SND1: variants seen among roughly 807,000 people sequenced by gnomAD.
The protein encoded by SND1 is staphylococcal nuclease domain-containing protein 1.
SND1 carries 38 observed loss-of-function variants against 121.7 expected under a neutral mutation model. The observed-to-expected ratio is 0.31, with a 90% CI of 0.24 to 0.41. The LOEUF is 0.41. SND1 is among the 10% of genes least tolerant of loss of function. The pLI, the probability that SND1 is intolerant of heterozygous loss-of-function variation, is 1.00. For missense variants in SND1, 868 were observed against 1,184.6 expected (o/e 0.73, Z 3.92); for synonymous variants, 401 against 447.4 (o/e 0.90, Z 1.31).
At chr7:127,996,140 TA>T (rs34060223) in intron 16 of SND1, among the ~76,000 whole-genome samples, 434 of 142,504 alleles carry the variant, frequency 3.0e-3, no homozygotes, top group Non-Finnish European at 3.2e-3. Context: ...CTCCCTGCTT[TA>T]AAAAAAAAAA....
rs1289566741 is a variant in SND1 at position 127,895,312 on chromosome 7, A to G, written c.1454+7300A>G. Among the ~76,000 whole-genome samples, 7 of 152,158 alleles carry G rather than the reference A, an allele frequency of 4.6e-5. No individual in the cohort carries two copies. The East Asian group carries it at 1.4e-3, about 29-fold the overall frequency. ...TGGTAGATTCCTGTAACACCAGGGT[A>G]CTGTTGGATTTTTAGCTCAAGCATC... On this transcript the variant is annotated intron_variant, in intron 13 of 23. Transcript: ENST00000354725.
chr7:127,830,444 C>T (rs1222233069), intron 11 of SND1, among the ~76,000 whole-genome samples: 1 of 152,110 alleles, frequency 6.6e-6, no homozygotes, highest in East Asian at 1.9e-4. Flanking sequence ...ATAATTGCAC[C>T]TTTGAAGATA....
Position 127,694,829 on chromosome 7 carries a change from C to G in SND1, c.230C>G (p.Pro77Arg). 6.2e-7 allele frequency: 1 copy of G among 1,613,654 alleles called. No homozygotes were observed. The highest frequency in any genetic ancestry group is 8.5e-7 in the Non-Finnish European group (1 of 1,179,788). ...QPDAKDTPDE[P>R]WAFPAREFLR... Reference sequence around the variant, plus strand: ...TGACATATTTGTTTTGTCTTTCAGCCCTGGGCATTTCCAGCTCGAGAGTTC... The same window carrying G: ...TGACATATTTGTTTTGTCTTTCAGCGCTGGGCATTTCCAGCTCGAGAGTTC... Residue 77 changes from proline to arginine, a missense_variant and splice_region_variant, in exon 3 of 24, where the codon CCC (proline) becomes CGC (arginine). Transcript: ENST00000354725.
At chr7:127,700,865 A>C (rs879770968) in intron 4 of SND1, among the ~76,000 whole-genome samples, 4 of 152,196 alleles carry the variant, frequency 2.6e-5, no homozygotes, top group Admixed American at 2.0e-4. Flanking sequence ...AGCAACTCTG[A>C]GCCACTAACT....
chr7:128,030,147 T>A (rs781707527), intron 16 of SND1: 1 of 1,614,098 alleles, frequency 6.2e-7, no homozygotes, highest in South Asian at 1.1e-5. Flanking sequence ...GTTGAAGGCG[T>A]AAGAGGGGAT....
chr7:127,911,414 G>A (rs1800452148), intron 14 of SND1, among the ~76,000 whole-genome samples: 1 of 151,884 alleles, frequency 6.6e-6, no homozygotes, highest in Non-Finnish European at 1.5e-5. Flanking sequence ...TCACTTTGTT[G>A]TCCAGGCTTG....
intron 1 of SND1, among the ~76,000 whole-genome samples, chr7:127,680,688 T>G (rs1795707067): frequency 6.6e-6 from 1 of 151,526 alleles, no homozygotes; most frequent in African/African-American, 2.4e-5. Context: ...GATTTCATAT[T>G]GTTCAAACAC....
intron 13 of SND1, chr7:127,904,474 A>T: frequency 3.9e-6 from 1 of 257,070 alleles, no homozygotes; most frequent in Non-Finnish European, 7.5e-6. Context: ...TTAATTTGAA[A>T]ACAAGTAAGG....
rs368010838 is a variant in SND1, at chr7:127,819,557, C to T, written c.1242+11984C>T. On this transcript the variant is annotated intron_variant, in intron 11 of 23. Transcript: ENST00000354725. The stretch of plus-strand genomic sequence containing the variant: ...GGCCACCATAAAGAGGCAGGTGGCC[C>T]CACCTTGTAGGATGGGCTGGAGGTA... Among the ~76,000 whole-genome samples, 9 of 152,234 alleles carry T rather than the reference C, an allele frequency of 5.9e-5. No homozygotes were observed. In the East Asian group the frequency reaches 1.7e-3, roughly 29 times the overall value.
At chr7:128,078,396 CTG>C (rs1793543123) in intron 17 of SND1, among the ~76,000 whole-genome samples, 1 of 152,248 alleles carries the variant, frequency 6.6e-6, no homozygotes, top group Non-Finnish European at 1.5e-5. Context: ...CTCCTACCCT[CTG>C]TATGCTTCTT....
intron 11 of SND1, among the ~76,000 whole-genome samples, chr7:127,835,135 C>T (rs325451): frequency 0.67 from 101,632 of 152,068 alleles, 34,821 homozygotes; most frequent in East Asian, 0.92. Context: ...CTTTTGTTTT[C>T]ATCCATTTCT....
intron 16 of SND1, chr7:127,999,734 G>C (rs1184428103): frequency 6.6e-6 from 1 of 152,164 alleles, no homozygotes; most frequent in African/African-American, 2.4e-5. Flanking sequence ...TTGCCAAGCA[G>C]AACCCTTGCC....
At chr7:127,932,679 C>T (rs1412338235) in intron 15 of SND1, among the ~76,000 whole-genome samples, 1 of 151,724 alleles carries the variant, frequency 6.6e-6, no homozygotes, top group Non-Finnish European at 1.5e-5. Flanking sequence ...GTTTTTTTTG[C>T]CACAGCCACC....
intron 15 of SND1, among the ~76,000 whole-genome samples, chr7:127,985,716 A>G (rs1802372269): frequency 6.6e-6 from 1 of 152,188 alleles, no homozygotes; most frequent in South Asian, 2.1e-4. Flanking sequence ...CATCTTCCAC[A>G]ACAATCCTCA....
Position 127,665,948 on chromosome 7 carries a change from C to T in SND1, c.78+13497C>T, listed in dbSNP as rs540157233. On this transcript the variant is annotated intron_variant, in intron 1 of 23. Transcript: ENST00000354725. ...CCGGTGTGTAAGGTAGAGGGACACTCCCGAGTACCTGGGTCCTGAAATCCC... is the reference window on the plus strand; with the variant it reads ...CCGGTGTGTAAGGTAGAGGGACACTTCCGAGTACCTGGGTCCTGAAATCCC... Among the ~76,000 whole-genome samples, 6 of 152,308 alleles carry T rather than the reference C, an allele frequency of 3.9e-5. No homozygotes were observed. The East Asian group carries it at 1.2e-3, about 29-fold the overall frequency.
chr7:127,723,467 A>T (rs1324240114), intron 10 of SND1, among the ~76,000 whole-genome samples: 2 of 152,168 alleles, frequency 1.3e-5, no homozygotes, highest in African/African-American at 4.8e-5. Context: ...ACTTAGCTGC[A>T]ATAATCTACA....
intron 16 of SND1, among the ~76,000 whole-genome samples, chr7:128,048,688 C>T (rs1300526893): frequency 6.6e-6 from 1 of 151,858 alleles, no homozygotes; most frequent in Non-Finnish European, 1.5e-5. Flanking sequence ...CTGCTGGGAC[C>T]AGTTTTTGTT....
intron 1 of SND1, among the ~76,000 whole-genome samples, chr7:127,664,641 TA>T (rs1189610207): frequency 6.6e-6 from 1 of 152,288 alleles, no homozygotes; most frequent in African/African-American, 2.4e-5. Context: ...AGCAAATTAA[TA>T]AACCCGAGAA....
At chr7:127,775,120 C>A (rs1343185051) in intron 10 of SND1, among the ~76,000 whole-genome samples, 1 of 152,146 alleles carries the variant, frequency 6.6e-6, no homozygotes, top group Non-Finnish European at 1.5e-5. Flanking sequence ...GGAGGATGAT[C>A]CAACTGTAAG....
Sources: gnomAD v4.1 joint callset for allele counts (sites outside exome capture counted in the v4.1 genomes callset) on GRCh38, gnomAD v4.1.1 for gene constraint, MANE v1.5 for transcripts, NCBI Gene and HGNC (gene_info 2026-07-23, HGNC 2026-07-21) for gene names.